DIAPH2: variants seen among roughly 807,000 people sequenced by gnomAD.
The protein encoded by DIAPH2 is protein diaphanous homolog 2.
In DIAPH2, 35 loss-of-function variants were observed where a neutral mutation model predicts 92.7. The observed-to-expected ratio is 0.38, with a 90% CI of 0.29 to 0.50. The LOEUF (loss-of-function observed/expected upper bound fraction) is 0.50, where lower values mean the gene tolerates loss of function less well. Among genes scored for constraint, DIAPH2 ranks in the 20% least tolerant of loss-of-function variants. The pLI, the probability that DIAPH2 is intolerant of heterozygous loss-of-function variation, is 0.94. For missense variants in DIAPH2, 701 were observed against 819.5 expected (o/e 0.86, Z 1.77); for synonymous variants, 301 against 280.4 (o/e 1.07, Z -0.73).
intron 22 of DIAPH2, among the ~76,000 whole-genome samples, chrX:97,207,415 C>CGAT (rs958100716): frequency 3.6e-5 from 4 of 111,261 alleles, no homozygotes; most frequent in African/African-American, 9.8e-5. Flanking sequence ...GCAAGAATGG[C>CGAT]GATGATGATG....
chrX:97,388,815 G>A (rs1209167360), intron 25 of DIAPH2, among the ~76,000 whole-genome samples: 1 of 111,214 alleles, frequency 9.0e-6, no homozygotes, highest in African/African-American at 3.3e-5. Flanking sequence ...ACCTTTTCAT[G>A]TTAAAATAAA....
intron 26 of DIAPH2, among the ~76,000 whole-genome samples, chrX:97,574,770 A>G (rs2071390942): frequency 8.9e-6 from 1 of 112,347 alleles, no homozygotes; most frequent in Admixed American, 9.4e-5. Context: ...ATTTTACTAC[A>G]TGGGTGATAA....
At chrX:97,177,716 A>C (rs1457937256) in intron 22 of DIAPH2, among the ~76,000 whole-genome samples, 18 of 109,319 alleles carry the variant, frequency 1.6e-4, no homozygotes, top group Non-Finnish European at 3.0e-4. Flanking sequence ...ACTTAAAAAA[A>C]AAAAAAAAAA....
intron 25 of DIAPH2, among the ~76,000 whole-genome samples, chrX:97,421,526 T>A (rs1481770295): frequency 8.9e-6 from 1 of 111,926 alleles, no homozygotes; most frequent in Admixed American, 9.5e-5. Flanking sequence ...TCTTATGCTG[T>A]CAACTTCCAT....
intron 4 of DIAPH2, among the ~76,000 whole-genome samples, chrX:96,858,865 G>A (rs1301000266): frequency 9.0e-6 from 1 of 111,671 alleles, no homozygotes; most frequent in Admixed American, 9.5e-5. Context: ...AGATATGTCC[G>A]CTTCTCTCTG....
intron 1 of DIAPH2, among the ~76,000 whole-genome samples, chrX:96,696,722 G>T (rs1569368207): frequency 8.9e-6 from 1 of 111,801 alleles, no homozygotes; most frequent in South Asian, 3.7e-4. Context: ...AGTACAGTAT[G>T]CAAGCCTTCC....
intron 26 of DIAPH2, among the ~76,000 whole-genome samples, chrX:97,559,518 G>A (rs940890124): frequency 1.8e-5 from 2 of 110,032 alleles, no homozygotes; most frequent in Non-Finnish European, 1.9e-5. Flanking sequence ...CTGATAGTGG[G>A]AAAAAATCCC....
intron 26 of DIAPH2, among the ~76,000 whole-genome samples, chrX:97,565,694 C>T (rs1281583001): frequency 1.8e-5 from 2 of 112,095 alleles, no homozygotes; most frequent in Non-Finnish European, 3.8e-5. Context: ...TGAAACTTCA[C>T]GCGTATCTCT....
At chrX:96,826,011 C>A (rs1001752110) in intron 4 of DIAPH2, among the ~76,000 whole-genome samples, 2 of 112,052 alleles carry the variant, frequency 1.8e-5, no homozygotes, top group Admixed American at 1.9e-4. Flanking sequence ...AAATAAAACA[C>A]TCCTAGAAAG....
intron 4 of DIAPH2, among the ~76,000 whole-genome samples, chrX:96,828,609 A>G (rs78344501): frequency 0.12 from 12,950 of 111,550 alleles, 634 homozygotes; most frequent in East Asian, 0.32. Context: ...CTGTTTCCAA[A>G]TCTTAGGTGA....
chrX:97,420,195 C>T (rs2069994142), intron 25 of DIAPH2, among the ~76,000 whole-genome samples: 1 of 111,635 alleles, frequency 9.0e-6, no homozygotes, highest in African/African-American at 3.3e-5. Context: ...TCACCTTATG[C>T]AAAGTGTCAA....
chrX:97,108,614 T>C (rs1208263594), intron 20 of DIAPH2, among the ~76,000 whole-genome samples: 1 of 111,751 alleles, frequency 8.9e-6, no homozygotes, highest in Non-Finnish European at 1.9e-5. Flanking sequence ...TTCACACTTA[T>C]GGTTGCAAAA....
intron 17 of DIAPH2, among the ~76,000 whole-genome samples, chrX:97,014,917 T>C (rs1203601826): frequency 1.8e-5 from 2 of 112,180 alleles, no homozygotes; most frequent in Non-Finnish European, 1.9e-5. Context: ...ATTATTGTTA[T>C]TGTGTTCTTG....
At position 97,463,720 on chromosome X, in the gene DIAPH2, A is replaced by G. The variant is rs928472142; in HGVS notation, c.3241+33975A>G. Among the ~76,000 whole-genome samples, 5 of 111,093 alleles carry G rather than the reference A, an allele frequency of 4.5e-5. No homozygotes were observed. In the Admixed American group the frequency reaches 4.8e-4, roughly 11 times the overall value. ...AATAACAAATTTAATCCTCACAAAA[A>G]TCCTATTAGGTTAAGTACTATTACT... On this transcript the variant is annotated intron_variant, in intron 26 of 26. Transcript: ENST00000324765.
At chrX:97,162,123 A>G (rs1465312594) in intron 22 of DIAPH2, among the ~76,000 whole-genome samples, 2 of 111,415 alleles carry the variant, frequency 1.8e-5, no homozygotes, top group Non-Finnish European at 3.8e-5. Context: ...CTTGAGAATT[A>G]TCTTCCAATG....
chrX:96,720,971 T>C (rs1478016327), intron 1 of DIAPH2, among the ~76,000 whole-genome samples: 1 of 111,510 alleles, frequency 9.0e-6, no homozygotes, highest in Non-Finnish European at 1.9e-5. Flanking sequence ...TTGTCCTGAT[T>C]CCATTCAGTA....
chrX:97,275,182 G>A (rs768689987), intron 23 of DIAPH2, among the ~76,000 whole-genome samples: 3 of 111,681 alleles, frequency 2.7e-5, no homozygotes, highest in Non-Finnish European at 3.8e-5. Context: ...GGTGGCGGCC[G>A]GGCAGAGGGG....
At chrX:97,117,118 C>T (rs2067022101) in intron 21 of DIAPH2, among the ~76,000 whole-genome samples, 1 of 109,884 alleles carries the variant, frequency 9.1e-6, no homozygotes, top group African/African-American at 3.3e-5. Flanking sequence ...ACTCACCCCC[C>T]ACTTTTCAGT....
At chrX:97,250,163 C>T (rs2068177326) in intron 23 of DIAPH2, among the ~76,000 whole-genome samples, 1 of 111,289 alleles carries the variant, frequency 9.0e-6, no homozygotes, top group African/African-American at 3.3e-5. Flanking sequence ...ATCCTTTGTA[C>T]TAGATGATCT....
Sources: gnomAD v4.1 joint callset for allele counts (sites outside exome capture counted in the v4.1 genomes callset) on GRCh38, gnomAD v4.1.1 for gene constraint, MANE v1.5 for transcripts, NCBI Gene and HGNC (gene_info 2026-07-23, HGNC 2026-07-21) for gene names.